MAP6D1: variants seen among roughly 807,000 people sequenced by gnomAD.
MAP6D1 encodes the protein MAP6 domain containing 1, also known as MAP6 domain-containing protein 1.
Under a neutral mutation model 17.4 loss-of-function variants are expected in MAP6D1, and 13 were observed. The ratio of observed to expected loss-of-function variants is 0.75; its 90% CI spans 0.49 to 1.19. MAP6D1 has a LOEUF of 1.19. Among genes scored for constraint, MAP6D1 ranks in the 50% most tolerant of loss-of-function variants. The pLI is 0.00. For synonymous variants in MAP6D1, 141 were observed against 145.7 expected (o/e 0.97, Z 0.23); for missense variants, 313 against 312.6 (o/e 1.00, Z -0.01).
At chr3:183,818,917 C>T (rs1727183027) in intron 1 of MAP6D1, among the ~76,000 whole-genome samples, 1 of 152,184 alleles carries the variant, frequency 6.6e-6, no homozygotes, top group African/African-American at 2.4e-5. Context: ...CCGGGAGCAG[C>T]TTTCTCCATG....
At position 183,817,335 on chromosome 3, in the gene MAP6D1, A is replaced by T; in HGVS notation, c.*21T>A. ...CCCCAGCCCTGTCCTGTCGGCAGCCATGGTGTCACGGTGCAGGCAGTCACA... is the reference window on the plus strand; with the variant it reads ...CCCCAGCCCTGTCCTGTCGGCAGCCTTGGTGTCACGGTGCAGGCAGTCACA... On this transcript the variant is annotated 3_prime_UTR_variant, in exon 3 of 3. Coordinates refer to ENST00000318631, the MANE Select transcript of MAP6D1 (RefSeq NM_024871.4). The T allele has an allele frequency of 6.4e-7, 1 of 1,556,480 alleles. No homozygotes were observed. Among genetic ancestry groups the T allele is most frequent in the Middle Eastern group, 2.0e-4 (1 of 4,974 alleles).
Position 183,816,627 on chromosome 3 carries a change from G to T in MAP6D1, c.*729C>A, listed in dbSNP as rs1159885500. On this transcript the variant is annotated 3_prime_UTR_variant, in exon 3 of 3. Transcript: ENST00000318631. ...GTTCTCAGCCAGTGTGTATGATAGT[G>T]CCCTGCTCATCATCCTTATGTTAGC... 6.5e-6 allele frequency: 1 copy of T among 152,770 alleles called. No individual in the cohort carries two copies. The highest frequency in any genetic ancestry group is 1.5e-5 in the Non-Finnish European group (1 of 68,472). 9.5% of individuals were successfully genotyped at this position (152,770 alleles called of 1,614,324 possible). A position where few individuals can be genotyped will look rare whatever the true frequency, so the allele number is the denominator to read the frequency against.
At chr3:183,820,628 A>G (rs1985299) in intron 1 of MAP6D1, among the ~76,000 whole-genome samples, 66,701 of 151,198 alleles carry the variant, frequency 0.44, 15,544 homozygotes, top group Middle Eastern at 0.6. Context: ...GGCCAGGCAC[A>G]GTGGCTCATG....
At position 183,825,427 on chromosome 3, in the gene MAP6D1, G is replaced by A. The variant is rs868078982; in HGVS notation, c.121C>T (p.Pro41Ser). Reference protein sequence around the residue: ...HGYSDLDSEEPGTGGAASRRG... With the variant: ...HGYSDLDSEESGTGGAASRRG... Reference sequence around the variant, plus strand: ...CGCGAGGCGGCGCCGCCCGTGCCCGGCTCCTCGCTGTCGAGGTCCGAGTAG... The same window carrying A: ...CGCGAGGCGGCGCCGCCCGTGCCCGACTCCTCGCTGTCGAGGTCCGAGTAG... Residue 41 changes from proline to serine, a missense_variant, in exon 1 of 3, where the codon CCG becomes TCG. Coordinates refer to ENST00000318631, the MANE Select transcript of MAP6D1 (RefSeq NM_024871.4). The A allele has an allele frequency of 6.9e-7, 1 of 1,439,474 alleles. No individual in the cohort carries two copies. The allele number at this position is 1,439,474 out of a possible 1,614,324, so 89.2% of individuals were successfully genotyped here. A position where few individuals can be genotyped will look rare whatever the true frequency, so the allele number is the denominator to read the frequency against.
In MAP6D1 at chr3:183,825,383, C is replaced by A; in HGVS notation, c.165G>T (p.Ala55=). ...CGTCCCGGCCGGAATCCCGGGCGCC[C>A]GCGGGAGGCTGGCCCCTGCGCGAGG... ...GAASRRGQPP[A]GARDSGRDVP... The change falls in exon 1 of 3, where the codon GCG becomes GCT. Residue 55 remains alanine, a synonymous_variant. Transcript: ENST00000318631. 6.9e-7 allele frequency: 1 copy of A among 1,443,000 alleles called. No individual in the cohort carries two copies. Among genetic ancestry groups the A allele is most frequent in the Non-Finnish European group, 9.1e-7 (1 of 1,100,432 alleles). 89.4% of individuals were successfully genotyped at this position (1,443,000 alleles called of 1,614,324 possible).
intron 1 of MAP6D1, among the ~76,000 whole-genome samples, chr3:183,820,616 T>A (rs1727222717): frequency 6.7e-6 from 1 of 148,154 alleles, no homozygotes; most frequent in African/African-American, 2.5e-5. Context: ...ATACAAAAAT[T>A]AGGCCAGGCA....
chr3:183,819,740 C>T (rs1246155699), intron 1 of MAP6D1, among the ~76,000 whole-genome samples: 1 of 152,236 alleles, frequency 6.6e-6, no homozygotes, highest in African/African-American at 2.4e-5. Context: ...CTCAGCCCAA[C>T]ATGGCTTCAG....
intron 1 of MAP6D1, among the ~76,000 whole-genome samples, chr3:183,819,553 G>A (rs1236828810): frequency 2.0e-5 from 3 of 152,216 alleles, no homozygotes; most frequent in Non-Finnish European, 4.4e-5. Context: ...GATGGGAGAG[G>A]GGACCTTAAA....
At chr3:183,820,889 A>G (rs542863883) in intron 1 of MAP6D1, among the ~76,000 whole-genome samples, 1 of 145,716 alleles carries the variant, frequency 6.9e-6, no homozygotes, top group East Asian at 2.0e-4. Flanking sequence ...CTTGGGCAAC[A>G]AAGCAAGACT....
chr3:183,819,676 T>A (rs542099792), intron 1 of MAP6D1, among the ~76,000 whole-genome samples: 94 of 152,210 alleles, frequency 6.2e-4, no homozygotes, highest in African/African-American at 2.1e-3. Context: ...CCCCATACAG[T>A]GCTCAAGCAT....
intron 1 of MAP6D1, among the ~76,000 whole-genome samples, chr3:183,821,020 G>C (rs1329381911): frequency 6.6e-6 from 1 of 151,882 alleles, no homozygotes; most frequent in Non-Finnish European, 1.5e-5. Flanking sequence ...GCTTGAACCC[G>C]GGAGGCGGAG....
In MAP6D1 at chr3:183,817,032, T is replaced by C. The variant is rs1727126645; in HGVS notation, c.*324A>G. ...CCGGATGTGTCCACATTCCTCAGCT[T>C]CCATGGACCAATTCGGTTCCCAACT... On this transcript the variant is annotated 3_prime_UTR_variant, in exon 3 of 3. Coordinates refer to ENST00000318631, the MANE Select transcript of MAP6D1 (RefSeq NM_024871.4). The C allele has an allele frequency of 1.1e-5, 4 of 361,222 alleles. No individual in the cohort carries two copies. Among genetic ancestry groups the C allele is most frequent in the South Asian group, 1.0e-4 (4 of 38,188 alleles). 22.4% of individuals were successfully genotyped at this position (361,222 alleles called of 1,614,324 possible).
At position 183,817,394 on chromosome 3, in the gene MAP6D1, T is replaced by G. The variant is rs1242333776; in HGVS notation, c.562A>C (p.Ile188Leu). 2.0e-5 allele frequency: 32 copies of G among 1,571,786 alleles called. No homozygotes were observed. The highest frequency in any genetic ancestry group is 2.8e-5 in the Non-Finnish European group (32 of 1,158,322). ...ATCCGGGGAGCTGAGGCCTGAAAGA[T>G]GGCGGAGGGGTTAGGAGTGAACTTC... ...RKKFTPNPSA[I>L]FQASAPRILN... Residue 188 changes from isoleucine (I) to leucine (L), a missense_variant, in exon 3 of 3, where the codon ATC becomes CTC. Coordinates refer to ENST00000318631, the MANE Select transcript of MAP6D1 (RefSeq NM_024871.4).
Position 183,825,197 on chromosome 3 carries a change from C to G in MAP6D1, c.351G>C (p.Val117=). ...CCGCGTCCGCGTCGCCGATGGGCAG[C>G]ACGTAGACCCCGCGGGCGCCGGGCG... The part of the protein sequence containing the change: ...PPAPGARGVY[V]LPIGDADAAA... The change falls in exon 1 of 3, where the codon GTG becomes GTC. Residue 117 remains valine, a synonymous_variant. Transcript: ENST00000318631. 6 of 1,451,780 alleles carry G rather than the reference C, an allele frequency of 4.1e-6. No homozygotes were observed. Among genetic ancestry groups the G allele is most frequent in the African/African-American group, 3.0e-5 (2 of 67,746 alleles). 89.9% of individuals were successfully genotyped at this position (1,451,780 alleles called of 1,614,324 possible).
In MAP6D1 at chr3:183,817,322, C is replaced by T; in HGVS notation, c.*34G>A. 4 of 1,549,654 alleles carry T rather than the reference C, an allele frequency of 2.6e-6. No homozygotes were observed. Among genetic ancestry groups the T allele is most frequent in the Non-Finnish European group, 3.5e-6 (4 of 1,145,558 alleles). On this transcript the variant is annotated 3_prime_UTR_variant, in exon 3 of 3. Coordinates refer to ENST00000318631, the MANE Select transcript of MAP6D1 (RefSeq NM_024871.4). ...TCCTGAGGCCGCTCCCCAGCCCTGT[C>T]CTGTCGGCAGCCATGGTGTCACGGT... is the stretch of plus-strand genomic sequence containing the variant.
In MAP6D1 at chr3:183,817,166, A is replaced by C. The variant is rs776051691; in HGVS notation, c.*190T>G. The C allele has an allele frequency of 3.6e-5, 21 of 585,014 alleles. No individual in the cohort carries two copies. Among genetic ancestry groups the C allele is most frequent in the Non-Finnish European group, 4.9e-5 (16 of 327,400 alleles). The allele number at this position is 585,014 out of a possible 1,614,324, so 36.2% of individuals were successfully genotyped here. A position where few individuals can be genotyped will look rare whatever the true frequency, so the allele number is the denominator to read the frequency against. On this transcript the variant is annotated 3_prime_UTR_variant, in exon 3 of 3. Coordinates refer to ENST00000318631, the MANE Select transcript of MAP6D1 (RefSeq NM_024871.4). ...CTTCTCAAGAGGATGCTTGAGGCTG[A>C]GCTGGGTGTGCCAAGTCCATCGGTG...
Position 183,820,776 on chromosome 3 carries a change from G to A in MAP6D1, c.402-2665C>T, listed in dbSNP as rs868775510. ...ATAAAAATTAGCCAGGCATGGTGGC[G>A]GGCGCCTGTAGTCCCAGCTACTCGG... On this transcript the variant is annotated intron_variant, in intron 1 of 2. Coordinates refer to ENST00000318631, the MANE Select transcript of MAP6D1 (RefSeq NM_024871.4). Among the ~76,000 whole-genome samples, 18 of 152,158 alleles carry A rather than the reference G, an allele frequency of 1.2e-4. No individual in the cohort carries two copies. In the South Asian group the frequency reaches 2.1e-3, roughly 18 times the overall value.
intron 1 of MAP6D1, among the ~76,000 whole-genome samples, chr3:183,819,574 G>T (rs1010514458): frequency 6.6e-6 from 1 of 152,194 alleles, no homozygotes; most frequent in Non-Finnish European, 1.5e-5. Context: ...GATGGAATGG[G>T]CAGGACCCGG....
Position 183,816,446 on chromosome 3 carries a change from AG to A in MAP6D1, c.*909del, listed in dbSNP as rs954577311. The A allele has an allele frequency of 1.3e-5, 2 of 152,134 alleles. No homozygotes were observed. The allele number at this position is 152,134 out of a possible 1,614,324, so 9.4% of individuals were successfully genotyped here. The stretch of plus-strand genomic sequence containing the variant: ...GCTGGAATTTACGGAGGAAGTTAGG[AG>A]AGAGCTTTGCAAAGAAAATGAACTG... On this transcript the variant is annotated 3_prime_UTR_variant, in exon 3 of 3. Transcript: ENST00000318631.
Sources: allele counts gnomAD v4.1 joint callset (sites outside exome capture counted in the v4.1 genomes callset), GRCh38; gene constraint gnomAD v4.1.1; transcripts MANE v1.5; gene names NCBI Gene and HGNC (gene_info 2026-07-23, HGNC 2026-07-21).